The following GNB1L variants were observed in gnomAD, a reference collection of about 807,000 sequenced individuals.
GNB1L encodes the protein G protein subunit beta 1 like, also known as guanine nucleotide-binding protein subunit beta-like protein 1.
Under a neutral mutation model 29.1 loss-of-function variants are expected in GNB1L, and 20 were observed. The ratio of observed to expected loss-of-function variants is 0.69; its 90% CI spans 0.48 to 1.00. The LOEUF (loss-of-function observed/expected upper bound fraction) is 1.00, where lower values mean the gene tolerates loss of function less well. Ranked by LOEUF, GNB1L falls within the 50% of genes least tolerant of loss-of-function variation. GNB1L has a pLI of 0.00. For synonymous variants in GNB1L, 193 were observed against 206.5 expected, an observed-to-expected ratio of 0.93 and a Z score of 0.56; for missense variants, 421 against 464.9, an observed-to-expected ratio of 0.91 and a Z score of 0.87.
At chr22:19,847,861 TAACATTGAAATCTTTA>T (rs1938002744) in intron 2 of GNB1L, 1 of 952,682 alleles carries the variant, frequency 1.0e-6, no homozygotes, top group Admixed American at 6.3e-5. Flanking sequence ...TTCATAATTG[TAACATTGAAATCTTTA>T]ATCTGGAATA....
intron 7 of GNB1L, chr22:19,792,322 A>AGAAGGT: frequency 1.1e-6 from 1 of 898,038 alleles, no homozygotes; most frequent in Non-Finnish European, 1.8e-6. Context: ...GCCAAGGGAA[A>AGAAGGT]GAAGGTGGCT....
At chr22:19,789,066 G>T in intron 7 of GNB1L, 106 bp from the exon 8 acceptor site, 2 of 1,257,214 alleles carry the variant, frequency 1.6e-6, no homozygotes, top group Non-Finnish European at 2.2e-6. Flanking sequence ...AGGCCCACAG[G>T]CCCGGGATGT....
chr22:19,841,478 T>TA (rs912663798), intron 2 of GNB1L, among the ~76,000 whole-genome samples: 2 of 151,904 alleles, frequency 1.3e-5, no homozygotes, highest in Non-Finnish European at 2.9e-5. Context: ...ACAAATAATT[T>TA]AAAAAAATCG....
At chr22:19,804,587 G>A (rs1181147518) in intron 6 of GNB1L, among the ~76,000 whole-genome samples, 1 of 151,348 alleles carries the variant, frequency 6.6e-6, no homozygotes, top group Non-Finnish European at 1.5e-5. Context: ...AAATGTGATT[G>A]CCCCCCAAAA....
At chr22:19,801,565 G>C (rs941138428) in intron 7 of GNB1L, among the ~76,000 whole-genome samples, 2 of 152,118 alleles carry the variant, frequency 1.3e-5, no homozygotes, top group African/African-American at 4.8e-5. Context: ...TTCCTGCTGG[G>C]CTTTCCTGCT....
intron 2 of GNB1L, among the ~76,000 whole-genome samples, chr22:19,854,220 C>A (rs1277037697): frequency 6.6e-6 from 1 of 152,248 alleles, no homozygotes; most frequent in Non-Finnish European, 1.5e-5. Context: ...CCTAAAGGGG[C>A]AGGTACCACG....
In GNB1L at chr22:19,806,614, G is replaced by A. The variant is rs557484047; in HGVS notation, c.516+45C>T. 7.4e-5 allele frequency: 88 copies of A among 1,191,424 alleles called. No individual in the cohort carries two copies. The South Asian group carries it at 8.5e-4, about 11-fold the overall frequency. The allele number at this position is 1,191,424 out of a possible 1,614,324, so 73.8% of individuals were successfully genotyped here. On this transcript the variant is annotated intron_variant, in intron 6 of 7. Transcript: ENST00000329517. ...CCTGAATGGAGCATGACTCATGGCC[G>A]TGGGTGTGGCCGGCAGGGCGTGGCT...
At chr22:19,840,764 C>G (rs1315451655) in intron 2 of GNB1L, among the ~76,000 whole-genome samples, 1 of 151,468 alleles carries the variant, frequency 6.6e-6, no homozygotes, top group Non-Finnish European at 1.5e-5. Flanking sequence ...GAGCCGAGAT[C>G]GTGCCATTGC....
intron 2 of GNB1L, among the ~76,000 whole-genome samples, chr22:19,833,591 C>T (rs954806645): frequency 3.9e-5 from 6 of 152,014 alleles, no homozygotes; most frequent in East Asian, 1.9e-4. Context: ...AGGCCGGACG[C>T]GGTAGTTCAC....
At chr22:19,793,879 C>T (rs1937278023) in intron 7 of GNB1L, among the ~76,000 whole-genome samples, 1 of 151,940 alleles carries the variant, frequency 6.6e-6, no homozygotes, top group African/African-American at 2.4e-5. Context: ...AATTGCACTA[C>T]AAAAAAATGT....
intron 2 of GNB1L, among the ~76,000 whole-genome samples, chr22:19,825,408 C>T (rs1202543545): frequency 6.6e-6 from 1 of 151,978 alleles, no homozygotes; most frequent in East Asian, 1.9e-4. Context: ...TTGCTTGAGC[C>T]CAGGAGTTCA....
chr22:19,853,860 G>A (rs916593484), intron 2 of GNB1L, among the ~76,000 whole-genome samples: 5 of 152,188 alleles, frequency 3.3e-5, no homozygotes, highest in African/African-American at 1.2e-4. Context: ...CCGATCCAGG[G>A]CCCAGCTCCC....
Position 19,816,303 on chromosome 22 carries a change from A to G in GNB1L, c.255-3856T>C, listed in dbSNP as rs866326304. On this transcript the variant is annotated intron_variant, in intron 4 of 7. Transcript: ENST00000329517. The surrounding 1 kb of genome is among the most constrained non-coding windows in gnomAD (Gnocchi z 4.4). ...GGGTGTCAACCCTGATCGCCTGGTC[A>G]GGACCCATAGTTTTCAAAGGCTCAT... 7.2e-5 allele frequency among the ~76,000 whole-genome samples: 11 copies of G among 152,214 alleles called. No homozygotes were observed. The highest frequency in any genetic ancestry group is 2.4e-4 in the African/African-American group (10 of 41,458).
At chr22:19,853,726 G>C (rs1017261196) in intron 2 of GNB1L, among the ~76,000 whole-genome samples, 3 of 152,146 alleles carry the variant, frequency 2.0e-5, no homozygotes, top group East Asian at 3.9e-4. Context: ...TCTGGGGGGG[G>C]GGTCTTCACC....
intron 2 of GNB1L, among the ~76,000 whole-genome samples, chr22:19,830,109 AG>A (rs1233108835): frequency 6.6e-6 from 1 of 152,178 alleles, no homozygotes; most frequent in Non-Finnish European, 1.5e-5. Flanking sequence ...CTGAGGCAGG[AG>A]GATTGCTTGA....
intron 7 of GNB1L, among the ~76,000 whole-genome samples, chr22:19,793,622 T>C (rs1230367347): frequency 6.6e-6 from 1 of 152,132 alleles, no homozygotes; most frequent in Non-Finnish European, 1.5e-5. Flanking sequence ...AGGCACATGA[T>C]AGTCAAACTA....
At chr22:19,825,096 T>A (rs1343820933) in intron 2 of GNB1L, among the ~76,000 whole-genome samples, 1 of 152,132 alleles carries the variant, frequency 6.6e-6, no homozygotes, top group African/African-American at 2.4e-5. Context: ...CCTGTCCCAT[T>A]GGGCATGTGA....
chr22:19,788,988 C>T, intron 7 of GNB1L, 28 bp from the exon 8 acceptor site: 1 of 1,575,346 alleles, frequency 6.3e-7, no homozygotes, highest in Non-Finnish European at 8.6e-7. Context: ...GGTGTTAGGC[C>T]ACTCCTTAAG....
At chr22:19,790,720 G>A (rs1937244208) in intron 7 of GNB1L, among the ~76,000 whole-genome samples, 1 of 152,098 alleles carries the variant, frequency 6.6e-6, no homozygotes, top group Admixed American at 6.5e-5. Context: ...TGTAGTCCCA[G>A]CTACTTGGGA....
Sources: allele counts gnomAD v4.1 joint callset (sites outside exome capture counted in the v4.1 genomes callset), GRCh38; gene constraint gnomAD v4.1.1; non-coding constraint Gnocchi (gnomAD v3.1); transcripts MANE v1.5; gene names NCBI Gene and HGNC (gene_info 2026-07-23, HGNC 2026-07-21).